The following GAS7 variants were observed in gnomAD, a reference collection of about 807,000 sequenced individuals.
GAS7 encodes the protein growth arrest specific 7.
Under a neutral mutation model 71.1 loss-of-function variants are expected in GAS7, and 28 were observed. The ratio of observed to expected loss-of-function variants is 0.39; its 90% CI spans 0.29 to 0.54. The LOEUF (loss-of-function observed/expected upper bound fraction) is 0.54. Among genes scored for constraint, GAS7 ranks in the 20% least tolerant of loss-of-function variants. The pLI, the probability that GAS7 is intolerant of heterozygous loss-of-function variation, is 0.62. For synonymous variants in GAS7, 258 were observed against 245.8 expected, an observed-to-expected ratio of 1.05 and a Z score of -0.46; for missense variants, 436 against 627.8, an observed-to-expected ratio of 0.69 and a Z score of 3.27.
At chr17:9,929,303 C>CAAT (rs2068124804) in intron 9 of GAS7, among the ~76,000 whole-genome samples, 1 of 152,106 alleles carries the variant, frequency 6.6e-6, no homozygotes, top group Non-Finnish European at 1.5e-5. Flanking sequence ...ACCCCAGCCC[C>CAAT]AGGTTCTGTG....
At chr17:9,950,812 C>T (rs909026199) in intron 5 of GAS7, among the ~76,000 whole-genome samples, 2 of 151,580 alleles carry the variant, frequency 1.3e-5, no homozygotes, top group African/African-American at 2.4e-5. Context: ...GCCGAGATCG[C>T]GCCATTGCAC....
intron 2 of GAS7, among the ~76,000 whole-genome samples, chr17:10,003,386 T>TGGA: frequency 6.6e-6 from 1 of 152,336 alleles, no homozygotes; most frequent in South Asian, 2.1e-4. Flanking sequence ...AGTGACATTG[T>TGGA]CTGTACCAGT....
At chr17:9,968,272 C>G (rs139396969) in intron 4 of GAS7, among the ~76,000 whole-genome samples, 37 of 152,130 alleles carry the variant, frequency 2.4e-4, no homozygotes, top group Non-Finnish European at 4.1e-4. Flanking sequence ...AGAAGGAGAC[C>G]GATAGGCCAG....
chr17:9,971,034 G>A (rs1164117755), intron 3 of GAS7, among the ~76,000 whole-genome samples: 1 of 152,082 alleles, frequency 6.6e-6, no homozygotes, highest in Non-Finnish European at 1.5e-5. Context: ...TACTTTGTTG[G>A]TGTGAGAATC....
intron 8 of GAS7, among the ~76,000 whole-genome samples, chr17:9,937,663 C>T (rs1365130666): frequency 1.3e-5 from 2 of 152,228 alleles, no homozygotes; most frequent in Admixed American, 6.5e-5. Flanking sequence ...TTAATCAAAG[C>T]CACATTTGGG....
chr17:10,066,819 T>C (rs748586316), intron 1 of GAS7, among the ~76,000 whole-genome samples: 27 of 152,108 alleles, frequency 1.8e-4, no homozygotes, highest in Admixed American at 1.2e-3. Flanking sequence ...GGAGCATTTC[T>C]AGGTCACCAA....
chr17:10,070,893 TA>T (rs759739109), intron 1 of GAS7, among the ~76,000 whole-genome samples: 2 of 151,846 alleles, frequency 1.3e-5, no homozygotes, highest in Non-Finnish European at 2.9e-5. Context: ...AGAAATGTGC[TA>T]TTAGGTTGGT....
At chr17:10,163,863 A>G (rs957431568) in intron 1 of GAS7, among the ~76,000 whole-genome samples, 26 of 152,234 alleles carry the variant, frequency 1.7e-4, no homozygotes, top group Non-Finnish European at 7.3e-5. Flanking sequence ...TCAAATGAAC[A>G]AATTCAAAGC....
At chr17:9,968,981 A>G (rs577483137) in intron 4 of GAS7, among the ~76,000 whole-genome samples, 1 of 152,202 alleles carries the variant, frequency 6.6e-6, no homozygotes, top group African/African-American at 2.4e-5. Context: ...AAATAAGGCT[A>G]GTCCTCAGTT....
In GAS7 at chr17:9,914,837, G is replaced by C. The variant is rs912780534; in HGVS notation, c.*2391C>G. 1 of 230,182 alleles carries C rather than the reference G, an allele frequency of 4.3e-6. No homozygotes were observed. The highest frequency in any genetic ancestry group is 8.6e-6 in the Non-Finnish European group (1 of 116,202). 14.3% of individuals were successfully genotyped at this position (230,182 alleles called of 1,614,324 possible). A position where few individuals can be genotyped will look rare whatever the true frequency, so the allele number is the denominator to read the frequency against. ...CATGCCTGGCTTGTCTTGAGCATTC[G>C]CTGAATGAATGCAGATTAATCAGAA... On this transcript the variant is annotated 3_prime_UTR_variant, in exon 14 of 14. Transcript: ENST00000432992.
rs117195790 is a variant in GAS7, at chr17:10,005,067, A to G, written c.304+14710T>C. Among the ~76,000 whole-genome samples, 398 of 138,796 alleles carry G rather than the reference A, an allele frequency of 2.9e-3. 1 individual carries two copies. The highest frequency in any genetic ancestry group is 4.1e-3 in the Non-Finnish European group (275 of 66,660). The allele number at this position is 138,796 out of a possible 152,430, so 91.1% of individuals were successfully genotyped here. A position where few individuals can be genotyped will look rare whatever the true frequency, so the allele number is the denominator to read the frequency against. On this transcript the variant is annotated intron_variant, in intron 2 of 13. Coordinates refer to ENST00000432992, the MANE Select transcript of GAS7 (RefSeq NM_201433.2). ...CATATATATACACATATATGTGTGT[A>G]TGCACGCATACATGCGTGTGTGCAC...
At position 9,918,192 on chromosome 17, in the gene GAS7, T is replaced by TGG. The variant is rs2152065246; in HGVS notation, c.1219-95_1219-94dup. 2.7e-5 allele frequency: 22 copies of TGG among 809,458 alleles called. No homozygotes were observed. The South Asian group carries it at 3.3e-4, about 12-fold the overall frequency. The allele number at this position is 809,458 out of a possible 1,614,324, so 50.1% of individuals were successfully genotyped here. On this transcript the variant is annotated intron_variant, in intron 12 of 13. Coordinates refer to ENST00000432992, the MANE Select transcript of GAS7 (RefSeq NM_201433.2). ...ACCACAAAACGCAAGTCACTGGCTG[T>TGG]GGACATTCTGTCCCATCTGACTCTC...
At chr17:10,019,159 T>G (rs2072161547) in intron 2 of GAS7, among the ~76,000 whole-genome samples, 1 of 152,154 alleles carries the variant, frequency 6.6e-6, no homozygotes, top group South Asian at 2.1e-4. Context: ...CCCTAATTAT[T>G]GGGGTCATTG....
intron 1 of GAS7, among the ~76,000 whole-genome samples, chr17:10,044,270 C>G (rs557201179): frequency 6.6e-6 from 1 of 152,330 alleles, no homozygotes; most frequent in East Asian, 1.9e-4. Context: ...ACCCAATTTA[C>G]TGGAGTGATG....
intron 2 of GAS7, among the ~76,000 whole-genome samples, chr17:9,999,819 T>C (rs1555615762): frequency 6.6e-6 from 1 of 152,034 alleles, no homozygotes; most frequent in Non-Finnish European, 1.5e-5. Context: ...ATAGAGAAGA[T>C]CACACAAAAT....
At chr17:10,189,560 C>G (rs535727893) in intron 1 of GAS7, among the ~76,000 whole-genome samples, 1 of 151,984 alleles carries the variant, frequency 6.6e-6, no homozygotes, top group South Asian at 2.1e-4. Context: ...TATTCTGGCT[C>G]TCCCAGGTTT....
At chr17:9,977,677 T>C (rs1481876263) in intron 3 of GAS7, among the ~76,000 whole-genome samples, 2 of 124,150 alleles carry the variant, frequency 1.6e-5, no homozygotes, top group Non-Finnish European at 3.2e-5. Flanking sequence ...GCAGGCAAAG[T>C]CCCCAGCCCA....
intron 1 of GAS7, among the ~76,000 whole-genome samples, 174 bp downstream of exon 1, chr17:10,198,034 C>G (rs1158482667): frequency 6.6e-6 from 1 of 152,174 alleles, no homozygotes; most frequent in African/African-American, 2.4e-5. Context: ...GAGGGGCGCC[C>G]GCTGCCGTCG....
intron 1 of GAS7, among the ~76,000 whole-genome samples, chr17:10,071,029 A>G (rs1456339515): frequency 2.0e-5 from 3 of 151,868 alleles, no homozygotes; most frequent in Non-Finnish European, 4.4e-5. Context: ...CTCCTACACA[A>G]TCCTCTGGCC....
Sources: gnomAD v4.1 joint callset for allele counts (sites outside exome capture counted in the v4.1 genomes callset) on GRCh38, gnomAD v4.1.1 for gene constraint, MANE v1.5 for transcripts, NCBI Gene and HGNC (gene_info 2026-07-23, HGNC 2026-07-21) for gene names.